Variants in USP12 observed in about 807,000 individuals in gnomAD.
The protein encoded by USP12 is ubiquitin specific peptidase 12.
Under a neutral mutation model 45.5 loss-of-function variants are expected in USP12, and 19 were observed. The ratio of observed to expected loss-of-function variants is 0.42; its 90% confidence interval spans 0.29 to 0.61. The LOEUF (loss-of-function observed/expected upper bound fraction) is 0.61, where lower values mean the gene tolerates loss of function less well. Ranked by LOEUF, USP12 falls within the 20% of genes least tolerant of loss-of-function variation. USP12 has a pLI of 0.22. For missense variants in USP12, 242 were observed against 447.7 expected, an observed-to-expected ratio of 0.54 and a Z score of 4.15; for synonymous variants, 149 against 148.8, an observed-to-expected ratio of 1.00 and a Z score of -0.01.
At chr13:27,084,246 G>A (rs1233734448) in intron 6 of USP12, among the ~76,000 whole-genome samples, 4 of 149,920 alleles carry the variant, frequency 2.7e-5, no homozygotes, top group Non-Finnish European at 5.9e-5. Context: ...GGTGGCTCAT[G>A]CCTGTAATCC....
Position 27,154,854 on chromosome 13 carries a change from C to T in USP12, c.48+16738G>A, listed in dbSNP as rs555392089. 3.3e-3 allele frequency among the ~76,000 whole-genome samples: 496 copies of T among 152,026 alleles called. 1 individual carries two copies. The highest frequency in any genetic ancestry group is 4.4e-3 in the Non-Finnish European group (302 of 68,004). ...AAGTGAAAGAGGGAAGCAGGACAGTCGCCGTCCGAGGGAGGTAATGAAAGA... is the reference window on the plus strand; with the variant it reads ...AAGTGAAAGAGGGAAGCAGGACAGTTGCCGTCCGAGGGAGGTAATGAAAGA... On this transcript the variant is annotated intron_variant, in intron 1 of 8. Transcript: ENST00000282344.
In USP12 at chr13:27,089,872, T is replaced by TAAACACAAA. The variant is rs755562626; in HGVS notation, c.734+10_734+11insTTTGTGTTT. 52 of 1,609,230 alleles carry TAAACACAAA rather than the reference T, an allele frequency of 3.2e-5. 1 individual carries two copies. In the Middle Eastern group the frequency reaches 6.7e-4, roughly 21 times the overall value. Reference sequence around the variant, plus strand: ...AAAATCACTTAAAAATCCATAAAGCTCTAAAATTACCGTTTGTGTGCTTCC... The same window carrying TAAACACAAA: ...AAAATCACTTAAAAATCCATAAAGCTAAACACAAACTAAAATTACCGTTTGTGTGCTTCC... On this transcript the variant is annotated intron_variant, in intron 6 of 8. Coordinates refer to ENST00000282344, the MANE Select transcript of USP12 (RefSeq NM_182488.4).
At chr13:27,084,006 A>C (rs1260093432) in intron 6 of USP12, among the ~76,000 whole-genome samples, 4 of 151,806 alleles carry the variant, frequency 2.6e-5, no homozygotes, top group Admixed American at 2.6e-4. Context: ...CTGAGATTAC[A>C]GGCGCCTGCC....
intron 1 of USP12, among the ~76,000 whole-genome samples, chr13:27,136,168 C>A (rs1348173535): frequency 6.6e-6 from 1 of 152,154 alleles, no homozygotes; most frequent in Non-Finnish European, 1.5e-5. Flanking sequence ...AACTTCAAGG[C>A]TCCTAAGTCC....
intron 2 of USP12, among the ~76,000 whole-genome samples, chr13:27,115,925 T>G (rs1409420632): frequency 7.2e-5 from 11 of 152,180 alleles, no homozygotes; most frequent in African/African-American, 2.7e-4. Flanking sequence ...CTAGGCTATA[T>G]ATTAATACTA....
At chr13:27,070,064 AACTG>A (rs1873171167) in intron 8 of USP12, among the ~76,000 whole-genome samples, 1 of 152,264 alleles carries the variant, frequency 6.6e-6, no homozygotes, top group African/African-American at 2.4e-5. Context: ...AATAGTCATT[AACTG>A]ACAAAAAGTC....
Position 27,122,231 on chromosome 13 carries a change from G to C in USP12, c.49-5635C>G, listed in dbSNP as rs186610041. ...ATAGGAACCTGGTAAGAAATAATTT[G>C]AATCATCAGGGTGGTTCCCCCATAC... On this transcript the variant is annotated intron_variant, in intron 1 of 8. Coordinates refer to ENST00000282344, the MANE Select transcript of USP12 (RefSeq NM_182488.4). Among the ~76,000 whole-genome samples, 195 of 140,898 alleles carry C rather than the reference G, an allele frequency of 1.4e-3. 1 individual carries two copies. Among genetic ancestry groups the C allele is most frequent in the African/African-American group, 4.6e-3 (184 of 39,888 alleles). The allele number at this position is 140,898 out of a possible 152,430, so 92.4% of individuals were successfully genotyped here.
At chr13:27,077,398 A>G (rs896509369) in intron 6 of USP12, 2 of 152,224 alleles carry the variant, frequency 1.3e-5, no homozygotes, top group Non-Finnish European at 2.9e-5. Context: ...AGGAAAGAGA[A>G]TGAACATGGC....
intron 1 of USP12, among the ~76,000 whole-genome samples, chr13:27,171,008 CT>C (rs992205007): frequency 2.0e-5 from 3 of 152,224 alleles, no homozygotes; most frequent in Admixed American, 2.0e-4. Context: ...GCGAGGAAAT[CT>C]GCACTTGACT....
chr13:27,086,554 C>T (rs117491140), intron 6 of USP12, among the ~76,000 whole-genome samples: 7,109 of 152,048 alleles, frequency 0.047, 187 homozygotes, highest in Admixed American at 0.076. Flanking sequence ...AATATACATT[C>T]TTCATGTATT....
chr13:27,125,293 A>T (rs1294256002), intron 1 of USP12, among the ~76,000 whole-genome samples: 2 of 152,234 alleles, frequency 1.3e-5, no homozygotes, highest in Non-Finnish European at 1.5e-5. Context: ...GTAGAGAGTG[A>T]ATAAAAATTA....
At chr13:27,086,282 TACACAC>T (rs71083627) in intron 6 of USP12, among the ~76,000 whole-genome samples, 103,765 of 137,126 alleles carry the variant, frequency 0.76, 39,650 homozygotes, top group East Asian at 0.92. Context: ...TATATATAAT[TACACAC>T]ACACACACAC....
At chr13:27,133,529 G>C (rs150860899) in intron 1 of USP12, among the ~76,000 whole-genome samples, 13 of 151,904 alleles carry the variant, frequency 8.6e-5, no homozygotes, top group African/African-American at 3.1e-4. Context: ...CGGTGGGGCT[G>C]AGGTAGGAGA....
At chr13:27,108,513 C>A (rs558238164) in intron 2 of USP12, among the ~76,000 whole-genome samples, 234 of 124,724 alleles carry the variant, frequency 1.9e-3, no homozygotes, top group Non-Finnish European at 3.3e-3. Context: ...TGCACATGTA[C>A]CCTAAAACTT....
chr13:27,113,461 A>T (rs1009355994), intron 2 of USP12, among the ~76,000 whole-genome samples: 8 of 152,138 alleles, frequency 5.3e-5, no homozygotes, highest in Non-Finnish European at 1.2e-4. Flanking sequence ...TGTTTAGGTG[A>T]CATTTTAGAA....
At chr13:27,097,787 T>C (rs983082649) in intron 3 of USP12, among the ~76,000 whole-genome samples, 2 of 152,184 alleles carry the variant, frequency 1.3e-5, no homozygotes, top group South Asian at 2.1e-4. Flanking sequence ...AGTAACAATA[T>C]TGGCAATATC....
intron 1 of USP12, among the ~76,000 whole-genome samples, chr13:27,126,812 A>C (rs1339902341): frequency 1.3e-5 from 2 of 152,200 alleles, no homozygotes; most frequent in African/African-American, 4.8e-5. Context: ...CCAAATTACT[A>C]ATCTGCAAAA....
In USP12 at chr13:27,105,781, A is replaced by G; in HGVS notation, c.293T>C (p.Val98Ala). The part of the protein sequence containing the change: ...FHSIATQKKK[V>A]GVIPPKKFIT... ...GAACTTCTTAGGGGGTATTACTCCA[A>G]CCTTTTTCTTCTGAGTGGCTATGCT... is the stretch of plus-strand genomic sequence containing the variant. The change falls in exon 3 of 9, where the codon GTT becomes GCT. Residue 98 changes from valine to alanine, a missense_variant. By Grantham distance (64) the Val-to-Ala change is moderately conservative. Around this residue, in one of 5 missense-constraint regions of USP12, gnomAD observed 77 missense variants for 153.7 expected, o/e 0.50. Transcript: ENST00000282344. 3 of 1,613,794 alleles carry G rather than the reference A, an allele frequency of 1.9e-6. No individual in the cohort carries two copies. The highest frequency in any genetic ancestry group is 1.7e-6 in the Non-Finnish European group (2 of 1,179,774).
intron 1 of USP12, among the ~76,000 whole-genome samples, chr13:27,159,679 C>G (rs765138303): frequency 8.5e-5 from 13 of 152,168 alleles, no homozygotes; most frequent in Admixed American, 3.3e-4. Flanking sequence ...ATTGTGAGAT[C>G]TGAATCTGTG....
Sources: allele counts gnomAD v4.1 joint callset (sites outside exome capture counted in the v4.1 genomes callset), GRCh38; gene constraint gnomAD v4.1.1; regional missense constraint gnomAD v4.1.1; transcripts MANE v1.5; gene names NCBI Gene and HGNC (gene_info 2026-07-23, HGNC 2026-07-21).